OPHN1: variants seen among roughly 807,000 people sequenced by gnomAD.
OPHN1 encodes the protein oligophrenin 1, also known as oligophrenin-1.
A neutral mutation model predicts 60.7 loss-of-function variants in OPHN1; 11 were observed. The observed-to-expected ratio is 0.18, with a 90% CI of 0.11 to 0.30. The LOEUF (loss-of-function observed/expected upper bound fraction) is 0.30, where lower values mean the gene tolerates loss of function less well. Ranked by LOEUF, OPHN1 falls within the 10% of genes least tolerant of loss-of-function variation. The pLI is 1.00. For synonymous variants in OPHN1, 226 were observed against 222.6 expected (o/e 1.02, Z -0.14); for missense variants, 449 against 611.0 (o/e 0.73, Z 2.80).
At chrX:68,410,164 T>C (rs1042889248) in intron 2 of OPHN1, among the ~76,000 whole-genome samples, 1 of 112,030 alleles carries the variant, frequency 8.9e-6, no homozygotes, top group Non-Finnish European at 1.9e-5. Context: ...GATACAGCAA[T>C]TACACTACTG....
chrX:68,223,845 A>G (rs2077676001), intron 6 of OPHN1, among the ~76,000 whole-genome samples: 1 of 111,763 alleles, frequency 8.9e-6, no homozygotes, highest in Non-Finnish European at 1.9e-5. Context: ...ACTACCAAGG[A>G]AAAATATTAT....
Position 68,048,548 on chromosome X carries a change from C to T in OPHN1, c.2376-91G>A, listed in dbSNP as rs750574868. 3.9e-4 allele frequency: 294 copies of T among 753,305 alleles called. No individual in the cohort carries two copies. In the South Asian group the frequency reaches 6.4e-3, roughly 16 times the overall value. 62.1% of individuals were successfully genotyped at this position (753,305 alleles called of 1,213,427 possible). ...AATGGGGGACACTTCTAGGCCAGTG[C>T]TAAAGAGGCCATTTGAAAAATGGAG... On this transcript the variant is annotated intron_variant, in intron 23 of 24. Transcript: ENST00000355520.
chrX:68,393,178 C>T (rs1286989045), intron 2 of OPHN1, among the ~76,000 whole-genome samples: 1 of 112,766 alleles, frequency 8.9e-6, no homozygotes, highest in African/African-American at 3.2e-5. Flanking sequence ...TGAGCCACAC[C>T]TCTGTTGCAT....
rs1436159663 is a variant in OPHN1 at position 68,044,755 on chromosome X, A to G, written c.*2417T>C. 8.9e-6 allele frequency: 1 copy of G among 112,478 alleles called. No homozygotes were observed. Among genetic ancestry groups the G allele is most frequent in the Non-Finnish European group, 1.9e-5 (1 of 53,266 alleles). The allele number at this position is 112,478 out of a possible 1,213,427, so 9.3% of individuals were successfully genotyped here. On this transcript the variant is annotated 3_prime_UTR_variant, in exon 25 of 25. Transcript: ENST00000355520. ...TATAGACCAGAGCAAAGGCAGAGCTACTCAGCCACTGCTCCCTGGCCTCCA... is the reference window on the plus strand; with the variant it reads ...TATAGACCAGAGCAAAGGCAGAGCTGCTCAGCCACTGCTCCCTGGCCTCCA...
At chrX:68,222,686 G>C (rs1415537768) in intron 6 of OPHN1, among the ~76,000 whole-genome samples, 5 of 103,938 alleles carry the variant, frequency 4.8e-5, no homozygotes, top group Non-Finnish European at 7.8e-5. Flanking sequence ...GAACAAAAAA[G>C]CAAACACCTC....
intron 5 of OPHN1, among the ~76,000 whole-genome samples, chrX:68,271,588 T>G (rs1479250244): frequency 1.8e-5 from 2 of 110,613 alleles, no homozygotes; most frequent in East Asian, 5.7e-4. Context: ...AGCAGAATGT[T>G]TGCTGATTTG....
chrX:68,238,557 T>C (rs953413330), intron 5 of OPHN1, among the ~76,000 whole-genome samples: 1 of 111,986 alleles, frequency 8.9e-6, no homozygotes. Flanking sequence ...AGAATTTATT[T>C]ATATTTTCTT....
chrX:68,412,289 A>G (rs2078773117), intron 2 of OPHN1, among the ~76,000 whole-genome samples: 5 of 112,192 alleles, frequency 4.5e-5, no homozygotes, highest in African/African-American at 1.3e-4. Flanking sequence ...AAATATGACA[A>G]AGACGTATAT....
At position 68,213,931 on chromosome X, in the gene OPHN1, C is replaced by T; in HGVS notation, c.528G>A (p.Glu176=). 8.3e-7 allele frequency: 1 copy of T among 1,205,745 alleles called. No homozygotes were observed. Among genetic ancestry groups the T allele is most frequent in the Non-Finnish European group, 1.1e-6 (1 of 891,161 alleles). ...QVDKERHNFF[E]SSLDYVYQIQ... is the part of the protein sequence containing the mutation. ...TTTGATAAACATAATCAAGAGAGGACTCGAAAAAATTGTGCCTCTCCTTGT... is the reference window on the plus strand; with the variant it reads ...TTTGATAAACATAATCAAGAGAGGATTCGAAAAAATTGTGCCTCTCCTTGT... The change falls in exon 7 of 25, where the codon GAG becomes GAA. Residue 176 remains glutamate (E), a synonymous_variant. Transcript: ENST00000355520.
At chrX:68,068,630 G>A (rs1602134975) in intron 20 of OPHN1, among the ~76,000 whole-genome samples, 1 of 111,119 alleles carries the variant, frequency 9.0e-6, no homozygotes, top group African/African-American at 3.3e-5. Context: ...TCCTGTGCAT[G>A]AATGTTCACA....
intron 15 of OPHN1, among the ~76,000 whole-genome samples, chrX:68,186,869 C>T (rs991020770): frequency 2.7e-5 from 3 of 111,419 alleles, no homozygotes; most frequent in African/African-American, 9.8e-5. Context: ...TCTTATTCAA[C>T]CCAAATTACT....
rs774944143 is a variant in OPHN1, at chrX:68,153,063, C to T, written c.1277-33731G>A. Among the ~76,000 whole-genome samples, 4 of 107,895 alleles carry T rather than the reference C, an allele frequency of 3.7e-5. No individual in the cohort carries two copies. In the Admixed American group the frequency reaches 4.0e-4, roughly 11 times the overall value. The allele number at this position is 107,895 out of a possible 115,157, so 93.7% of individuals were successfully genotyped here. A position where few individuals can be genotyped will look rare whatever the true frequency, so the allele number is the denominator to read the frequency against. On this transcript the variant is annotated intron_variant, in intron 15 of 24. Transcript: ENST00000355520. The stretch of plus-strand genomic sequence containing the variant: ...CCATCTCTACTAAAAATACAAAAAC[C>T]AGCTGGGTGTGGTGGCGGGTACCTG...
chrX:68,419,390 A>G (rs2078815591), intron 2 of OPHN1, among the ~76,000 whole-genome samples: 1 of 110,058 alleles, frequency 9.1e-6, no homozygotes, highest in South Asian at 3.9e-4. Flanking sequence ...CCCATTTAGT[A>G]CCATTACAGA....
chrX:68,223,515 C>T (rs2077674022), intron 6 of OPHN1, among the ~76,000 whole-genome samples: 1 of 111,341 alleles, frequency 9.0e-6, no homozygotes, highest in African/African-American at 3.3e-5. Flanking sequence ...CAGAGACATG[C>T]AGAGTGGTAT....
At chrX:68,414,068 G>A (rs751496240) in intron 2 of OPHN1, among the ~76,000 whole-genome samples, 6 of 111,540 alleles carry the variant, frequency 5.4e-5, no homozygotes, top group Non-Finnish European at 9.4e-5. Context: ...GTAAAATAGG[G>A]TCTTATTAAT....
chrX:68,108,617 A>G (rs1156642117), intron 18 of OPHN1, among the ~76,000 whole-genome samples: 1 of 111,427 alleles, frequency 9.0e-6, no homozygotes, highest in Non-Finnish European at 1.9e-5. Flanking sequence ...AAATTATATT[A>G]CTACTATTAA....
At chrX:68,262,831 G>A (rs968172542) in intron 5 of OPHN1, among the ~76,000 whole-genome samples, 1 of 97,722 alleles carries the variant, frequency 1.0e-5, no homozygotes, top group African/African-American at 4.1e-5. Context: ...AGAAAGGAAA[G>A]GACAGGACAG....
At chrX:68,144,573 T>C (rs1380561665) in intron 15 of OPHN1, among the ~76,000 whole-genome samples, 1 of 111,846 alleles carries the variant, frequency 8.9e-6, no homozygotes, top group Non-Finnish European at 1.9e-5. Context: ...CAAATTATAT[T>C]AATGTAAGAA....
intron 5 of OPHN1, among the ~76,000 whole-genome samples, chrX:68,241,189 G>A (rs1443754142): frequency 1.8e-5 from 2 of 111,616 alleles, no homozygotes; most frequent in Non-Finnish European, 3.8e-5. Context: ...ACAAAGTTCT[G>A]TGTATTCTAT....
Sources: gnomAD v4.1 joint callset for allele counts (sites outside exome capture counted in the v4.1 genomes callset) on GRCh38, gnomAD v4.1.1 for gene constraint, MANE v1.5 for transcripts, NCBI Gene and HGNC (gene_info 2026-07-23, HGNC 2026-07-21) for gene names.